Variants in UBE3B observed in about 807,000 individuals in gnomAD.
The protein encoded by UBE3B is ubiquitin-protein ligase E3B.
UBE3B carries 80 observed loss-of-function variants against 132.3 expected under a neutral mutation model. The observed-to-expected ratio is 0.60, with a 90% CI of 0.50 to 0.73. The LOEUF (loss-of-function observed/expected upper bound fraction) is 0.73, where lower values mean the gene tolerates loss of function less well. UBE3B is among the 30% of genes least tolerant of loss of function. The pLI is 0.00. For missense variants in UBE3B, 1,196 were observed against 1,362.5 expected, an observed-to-expected ratio of 0.88 and a Z score of 1.92; for synonymous variants, 487 against 520.4, an observed-to-expected ratio of 0.94 and a Z score of 0.87.
At chr12:109,529,180 A>C (rs1882697005) in intron 24 of UBE3B, among the ~76,000 whole-genome samples, 1 of 152,230 alleles carries the variant, frequency 6.6e-6, no homozygotes, top group African/African-American at 2.4e-5. Flanking sequence ...ATAAATAAAA[A>C]GAAAAAAGAA....
intron 9 of UBE3B, 108 bp downstream of exon 9, chr12:109,491,235 C>A: frequency 9.9e-7 from 1 of 1,013,840 alleles, no homozygotes; most frequent in Admixed American, 2.6e-5. Flanking sequence ...CCCATTTTGT[C>A]AGAATTTATG....
intron 9 of UBE3B, 65 bp from the exon 10 acceptor site, chr12:109,497,753 G>C: frequency 6.7e-7 from 1 of 1,491,630 alleles, no homozygotes; most frequent in Non-Finnish European, 9.3e-7. Flanking sequence ...ACGTTGGTGG[G>C]GTTGTGCTTT....
Position 109,521,373 on chromosome 12 carries a change from G to A in UBE3B, c.2253+49G>A. The A allele has an allele frequency of 6.2e-7, 1 of 1,604,130 alleles. No homozygotes were observed. The highest frequency in any genetic ancestry group is 1.1e-5 in the South Asian group (1 of 90,722). On this transcript the variant is annotated intron_variant, in intron 20 of 27. Coordinates refer to ENST00000342494, the MANE Select transcript of UBE3B (RefSeq NM_130466.4). This position sits in a 1 kb window ranked among gnomAD's most constrained non-coding sequence, Gnocchi z 4.2. ...GGCTGACAGCAGCCAGATTCAAGAA[G>A]TGAAGAGCTGGGCTTGCTCCTTGCA...
intron 9 of UBE3B, among the ~76,000 whole-genome samples, chr12:109,494,128 T>G (rs1877854642): frequency 6.6e-6 from 1 of 152,108 alleles, no homozygotes; most frequent in African/African-American, 2.4e-5. Flanking sequence ...ACACCTGGCT[T>G]TTCTCCATTT....
Position 109,534,106 on chromosome 12 carries a change from G to A in UBE3B, c.3016-485G>A, listed in dbSNP as rs1883232978. 90 of 1,295,262 alleles carry A rather than the reference G, an allele frequency of 6.9e-5. No homozygotes were observed. Among genetic ancestry groups the A allele is most frequent in the Non-Finnish European group, 9.1e-5 (90 of 993,586 alleles). 80.2% of individuals were successfully genotyped at this position (1,295,262 alleles called of 1,614,324 possible). A position where few individuals can be genotyped will look rare whatever the true frequency, so the allele number is the denominator to read the frequency against. The stretch of plus-strand genomic sequence containing the variant: ...AAAAACCCAGTGGCCGCCTCTGGGT[G>A]TAGCTGCCTCTCATGATGCAGTTTG... On this transcript the variant is annotated intron_variant, in intron 27 of 27. Transcript: ENST00000342494. The surrounding 1 kb of genome is among the most constrained non-coding windows in gnomAD (Gnocchi z 5.2).
chr12:109,538,735 T>C (rs554848544), downstream of UBE3B, among the ~76,000 whole-genome samples: 207 of 152,324 alleles, frequency 1.4e-3, no homozygotes, highest in African/African-American at 4.9e-3. This position sits in a 1 kb window ranked among gnomAD's most constrained non-coding sequence, Gnocchi z 4.1. Flanking sequence ...AGAGCAGTTA[T>C]CTGTTGCACT....
At chr12:109,528,323 A>G (rs1882579721) in intron 24 of UBE3B, 3 of 984,430 alleles carry the variant, frequency 3.0e-6, no homozygotes, top group Non-Finnish European at 3.6e-6. Flanking sequence ...CCCCTTTCTC[A>G]GTAAAGTGGA....
rs1261323496 is a variant in UBE3B at position 109,521,631 on chromosome 12, C to G, written c.2364+80C>G. 7 of 1,290,236 alleles carry G rather than the reference C, an allele frequency of 5.4e-6. No homozygotes were observed. Among genetic ancestry groups the G allele is most frequent in the Non-Finnish European group, 5.3e-6 (5 of 945,294 alleles). The allele number at this position is 1,290,236 out of a possible 1,614,324, so 79.9% of individuals were successfully genotyped here. A position where few individuals can be genotyped will look rare whatever the true frequency, so the allele number is the denominator to read the frequency against. On this transcript the variant is annotated intron_variant, in intron 21 of 27. Coordinates refer to ENST00000342494, the MANE Select transcript of UBE3B (RefSeq NM_130466.4). This position sits in a 1 kb window ranked among gnomAD's most constrained non-coding sequence, Gnocchi z 4.2. ...GCTTCTTCACATACACATATGTGAT[C>G]AGGCTTGGCCATGTAAACTGTCACT...
intron 9 of UBE3B, among the ~76,000 whole-genome samples, chr12:109,494,797 C>G (rs1202757076): frequency 6.6e-6 from 1 of 152,118 alleles, no homozygotes; most frequent in Non-Finnish European, 1.5e-5. Flanking sequence ...TTGAGGCAGC[C>G]CTGCAGTCCT....
At chr12:109,484,767 T>C (rs1257258902) in intron 4 of UBE3B, among the ~76,000 whole-genome samples, 1 of 151,910 alleles carries the variant, frequency 6.6e-6, no homozygotes, top group African/African-American at 2.4e-5. Flanking sequence ...ATTCATTCTT[T>C]CATATTCTGA....
At chr12:109,510,225 T>C in intron 16 of UBE3B, 119 bp from the exon 17 acceptor site, 2 of 803,970 alleles carry the variant, frequency 2.5e-6, no homozygotes, top group Non-Finnish European at 3.9e-6. Flanking sequence ...CGGTTCCACA[T>C]ATAATTCAGA....
At position 109,534,216 on chromosome 12, in the gene UBE3B, CA is replaced by C; in HGVS notation, c.3016-374del. On this transcript the variant is annotated intron_variant, in intron 27 of 27. Coordinates refer to ENST00000342494, the MANE Select transcript of UBE3B (RefSeq NM_130466.4). The surrounding 1 kb of genome is among the most constrained non-coding windows in gnomAD (Gnocchi z 5.2). ...AAAGTTGGCCCAAGTCATGGTCTGCCACCGGCCACAGCACCGGTGAGGAGGG... is the reference window on the plus strand; with the variant it reads ...AAAGTTGGCCCAAGTCATGGTCTGCCCCGGCCACAGCACCGGTGAGGAGGG... The C allele has an allele frequency of 8.0e-7, 1 of 1,243,306 alleles. No homozygotes were observed. The highest frequency in any genetic ancestry group is 1.5e-5 in the African/African-American group (1 of 64,902). 77.0% of individuals were successfully genotyped at this position (1,243,306 alleles called of 1,614,324 possible).
intron 24 of UBE3B, chr12:109,528,338 T>C (rs150474221): frequency 1.0e-6 from 1 of 985,298 alleles, no homozygotes; most frequent in Non-Finnish European, 1.2e-6. Flanking sequence ...AGTGGAGCAG[T>C]ACTCGTCACC....
intron 5 of UBE3B, among the ~76,000 whole-genome samples, 166 bp from the exon 6 acceptor site, chr12:109,486,301 GTCTT>G (rs1380969346): frequency 2.0e-5 from 3 of 152,102 alleles, no homozygotes; most frequent in Non-Finnish European, 4.4e-5. Flanking sequence ...AGGCTATTTT[GTCTT>G]TGCGTTTAGT....
chr12:109,481,316 A>G (rs1220038916), intron 1 of UBE3B, among the ~76,000 whole-genome samples: 3 of 151,204 alleles, frequency 2.0e-5, no homozygotes, highest in Admixed American at 1.3e-4. Context: ...ACTATCTCAA[A>G]AAAAAAAAAA....
intron 8 of UBE3B, 71 bp from the exon 9 acceptor site, chr12:109,490,974 T>A: frequency 5.9e-6 from 9 of 1,519,774 alleles, no homozygotes; most frequent in Non-Finnish European, 8.1e-6. Context: ...CAGTTTACTT[T>A]TTTGCTCTTT....
chr12:109,491,177 T>G, intron 9 of UBE3B, 50 bp downstream of exon 9: 1 of 1,568,534 alleles, frequency 6.4e-7, no homozygotes, highest in Non-Finnish European at 8.7e-7. Context: ...GAATGCTTCC[T>G]CCTCTTGGTT....
At position 109,524,096 on chromosome 12, in the gene UBE3B, A is replaced by G. The variant is rs917136833; in HGVS notation, c.2483A>G (p.Lys828Arg). 4.3e-6 allele frequency: 7 copies of G among 1,614,166 alleles called. No individual in the cohort carries two copies. In the Admixed American group the frequency reaches 1.2e-4, roughly 27 times the overall value. The change falls in exon 22 of 28, where the codon AAA (lysine) becomes AGA (arginine). Residue 828 changes from lysine to arginine, a missense_variant. Physicochemically the swap from Lys to Arg is conservative, Grantham distance 26. Coordinates refer to ENST00000342494, the MANE Select transcript of UBE3B (RefSeq NM_130466.4). ...ELPSLDSEFY[K>R]NLTSIKRYDG... ...CCTTCTCTGGACTCCGAGTTCTATA[A>G]AAACCTCACCTCCATCAAGGTGAGC...
Position 109,524,437 on chromosome 12 carries a change from G to T in UBE3B, c.2503-1G>T. The T allele has an allele frequency of 6.2e-7, 1 of 1,614,178 alleles. No individual in the cohort carries two copies. The highest frequency in any genetic ancestry group is 8.5e-7 in the Non-Finnish European group (1 of 1,180,020). ...CACTTTCCCCTTCTCTGTTACATTA[G>T]CGCTATGATGGGGACATCACTGACC... On this transcript the variant is annotated splice_acceptor_variant, in intron 22 of 27. Coordinates refer to ENST00000342494, the MANE Select transcript of UBE3B (RefSeq NM_130466.4). LOFTEE classifies it high-confidence loss of function.
Sources: gnomAD v4.1 joint callset for allele counts (sites outside exome capture counted in the v4.1 genomes callset) on GRCh38, gnomAD v4.1.1 for gene constraint, Gnocchi (gnomAD v3.1) non-coding constraint, MANE v1.5 for transcripts, NCBI Gene and HGNC (gene_info 2026-07-23, HGNC 2026-07-21) for gene names.